KSR2: variants seen among roughly 807,000 people sequenced by gnomAD.
The protein encoded by KSR2 is kinase suppressor of ras 2.
In KSR2, 25 loss-of-function variants were observed where a neutral mutation model predicts 107.8. The observed-to-expected ratio is 0.23, with a 90% CI of 0.17 to 0.32. KSR2 has a LOEUF of 0.32. KSR2 is among the 10% of genes least tolerant of loss of function. The pLI is 1.00. For missense variants in KSR2, 887 were observed against 1,268.9 expected, an observed-to-expected ratio of 0.70 and a Z score of 4.57; for synonymous variants, 480 against 507.0, an observed-to-expected ratio of 0.95 and a Z score of 0.71.
chr12:117,820,110 T>C (rs12427108), intron 3 of KSR2, among the ~76,000 whole-genome samples: 5,465 of 152,298 alleles, frequency 0.036, 137 homozygotes, highest in Middle Eastern at 0.065. Flanking sequence ...ACAAAAACCA[T>C]TTTAATATCA....
At chr12:117,964,957 C>G (rs542942781) in intron 1 of KSR2, among the ~76,000 whole-genome samples, 1 of 152,318 alleles carries the variant, frequency 6.6e-6, no homozygotes, top group South Asian at 2.1e-4. Context: ...TCCACACTAG[C>G]AGAGCCCTGA....
chr12:117,904,557 C>G (rs1181111330), intron 1 of KSR2, among the ~76,000 whole-genome samples: 1 of 152,070 alleles, frequency 6.6e-6, no homozygotes, highest in Admixed American at 6.6e-5. Context: ...AATCACAGTC[C>G]CTTCCGAATA....
chr12:117,796,243 A>G (rs557317628), intron 3 of KSR2, among the ~76,000 whole-genome samples: 1 of 152,278 alleles, frequency 6.6e-6, no homozygotes, highest in Non-Finnish European at 1.5e-5. Context: ...CCTGCATTTA[A>G]ATACAAGCAT....
At chr12:117,794,714 T>C (rs1167189740) in intron 3 of KSR2, among the ~76,000 whole-genome samples, 1 of 149,862 alleles carries the variant, frequency 6.7e-6, no homozygotes, top group Non-Finnish European at 1.5e-5. Context: ...CATGCACACA[T>C]ACACACCAAT....
At chr12:117,614,016 A>G (rs1881741940) in intron 5 of KSR2, among the ~76,000 whole-genome samples, 1 of 152,244 alleles carries the variant, frequency 6.6e-6, no homozygotes, top group East Asian at 1.9e-4. Context: ...GAGACAGTGA[A>G]AAGTTCAGCA....
intron 3 of KSR2, among the ~76,000 whole-genome samples, chr12:117,815,200 TAAGCATAAAAAG>T: frequency 6.6e-6 from 1 of 152,370 alleles, no homozygotes; most frequent in African/African-American, 2.4e-5. Flanking sequence ...TGTGAAATCA[TAAGCATAAAAAG>T]ATATTGCTGA....
chr12:117,887,519 G>T (rs2393377), intron 1 of KSR2, among the ~76,000 whole-genome samples: 2 of 151,958 alleles, frequency 1.3e-5, no homozygotes, highest in African/African-American at 4.8e-5. Context: ...GTGGAACCAC[G>T]TGGAGCAGAA....
chr12:117,502,254 C>T (rs1441331430), intron 14 of KSR2, among the ~76,000 whole-genome samples: 1 of 152,018 alleles, frequency 6.6e-6, no homozygotes, highest in East Asian at 1.9e-4. Context: ...TGTATGTGGA[C>T]TCACGTGTGT....
chr12:117,793,541 G>A (rs149889942), intron 3 of KSR2, among the ~76,000 whole-genome samples: 1,604 of 103,790 alleles, frequency 0.015, 35 homozygotes, highest in African/African-American at 0.057. Context: ...GTGCACTCAC[G>A]CCAACATGCA....
chr12:117,958,430 CT>C (rs1390306636), intron 1 of KSR2, among the ~76,000 whole-genome samples: 1 of 152,124 alleles, frequency 6.6e-6, no homozygotes, highest in African/African-American at 2.4e-5. Context: ...TTTCTAGGAG[CT>C]GAAAATAAGA....
intron 1 of KSR2, among the ~76,000 whole-genome samples, chr12:117,870,269 T>C (rs1431762327): frequency 1.3e-5 from 2 of 152,194 alleles, no homozygotes; most frequent in Non-Finnish European, 2.9e-5. Context: ...AAAACAGGTG[T>C]ATTCCACCTT....
intron 14 of KSR2, among the ~76,000 whole-genome samples, chr12:117,490,071 A>G (rs1226658126): frequency 6.6e-6 from 1 of 152,128 alleles, no homozygotes; most frequent in Non-Finnish European, 1.5e-5. Flanking sequence ...AGCAAACCCT[A>G]TTATATCTAT....
At chr12:117,494,382 T>C (rs1399286277) in intron 14 of KSR2, among the ~76,000 whole-genome samples, 1 of 152,202 alleles carries the variant, frequency 6.6e-6, no homozygotes, top group Admixed American at 6.5e-5. Flanking sequence ...TGGGAAGCTT[T>C]GTTAAAACAA....
At chr12:117,940,557 G>A (rs778742436) in intron 1 of KSR2, among the ~76,000 whole-genome samples, 2 of 152,158 alleles carry the variant, frequency 1.3e-5, no homozygotes, top group Admixed American at 6.5e-5. Context: ...GTGGTGTACT[G>A]CAGTGTTCAC....
At chr12:117,731,484 A>T (rs182034779) in intron 4 of KSR2, among the ~76,000 whole-genome samples, 2 of 135,198 alleles carry the variant, frequency 1.5e-5, no homozygotes, top group Non-Finnish European at 3.2e-5. Flanking sequence ...CGGCCGCCCC[A>T]TCTGGGAAGT....
intron 1 of KSR2, among the ~76,000 whole-genome samples, chr12:117,950,746 A>ATAATAATAAT (rs1555260894): frequency 1.8e-5 from 1 of 55,550 alleles, no homozygotes; most frequent in African/African-American, 6.6e-5. Flanking sequence ...GTAAAAAAAA[A>ATAATAATAAT]AAAAATAATA....
intron 1 of KSR2, among the ~76,000 whole-genome samples, chr12:117,965,638 T>C (rs146417255): frequency 6.6e-4 from 100 of 152,350 alleles, no homozygotes; most frequent in Admixed American, 1.6e-3. Flanking sequence ...CAGTGAGTTT[T>C]CACCATTAAA....
At chr12:117,851,389 G>A (rs1165614893) in intron 3 of KSR2, among the ~76,000 whole-genome samples, 2 of 152,310 alleles carry the variant, frequency 1.3e-5, no homozygotes, top group Non-Finnish European at 2.9e-5. Flanking sequence ...AGGATTTCGA[G>A]ACCAAACTGG....
At position 117,761,036 on chromosome 12, in the gene KSR2, G is replaced by A. The variant is rs777077290; in HGVS notation, c.961C>T (p.Arg321Cys). The A allele has an allele frequency of 6.2e-6, 10 of 1,613,614 alleles. No homozygotes were observed. The highest frequency in any genetic ancestry group is 7.6e-6 in the Non-Finnish European group (9 of 1,179,750). The change falls in exon 4 of 20, where the codon CGC becomes TGC. Residue 321 changes from arginine (R) to cysteine (C), a missense_variant. Around this residue, in one of 8 missense-constraint regions of KSR2, gnomAD observed 399 missense variants for 479.5 expected, o/e 0.83. Transcript: ENST00000339824. Reference sequence around the variant, plus strand: ...TTGGGCGTGTGGGCCTCGTCCACGCGGTGCCCCAGCTGGAACTCGTGGGAT... The same window carrying A: ...TTGGGCGTGTGGGCCTCGTCCACGCAGTGCCCCAGCTGGAACTCGTGGGAT... Reference protein sequence around the residue: ...SKSHEFQLGHRVDEAHTPKAK... With the variant: ...SKSHEFQLGHCVDEAHTPKAK...
Sources: allele counts gnomAD v4.1 joint callset (sites outside exome capture counted in the v4.1 genomes callset), GRCh38; gene constraint gnomAD v4.1.1; regional missense constraint gnomAD v4.1.1; transcripts MANE v1.5; gene names NCBI Gene and HGNC (gene_info 2026-07-23, HGNC 2026-07-21).